Variants in PCDHA4 observed in about 807,000 individuals in gnomAD.
The protein encoded by PCDHA4 is protocadherin alpha 4.
PCDHA4 carries 49 observed loss-of-function variants against 61.4 expected under a neutral mutation model. The observed-to-expected ratio is 0.80, with a 90% CI of 0.63 to 1.01. The LOEUF (loss-of-function observed/expected upper bound fraction) is 1.01, where lower values mean the gene tolerates loss of function less well. Among genes scored for constraint, PCDHA4 ranks in the 50% least tolerant of loss-of-function variants. PCDHA4 has a pLI of 0.00. For missense variants in PCDHA4, 1,254 were observed against 1,235.8 expected, an observed-to-expected ratio of 1.01 and a Z score of -0.22; for synonymous variants, 590 against 550.3, an observed-to-expected ratio of 1.07 and a Z score of -1.01.
intron 1 of PCDHA4, chr5:140,858,100 C>A (rs368579908): frequency 1.9e-6 from 3 of 1,597,702 alleles, no homozygotes; most frequent in South Asian, 1.1e-5. Context: ...CTTCAGTGGG[C>A]GTGGCGCCCG....
chr5:140,984,878 C>G (rs2097124872), intron 3 of PCDHA4, among the ~76,000 whole-genome samples: 1 of 151,854 alleles, frequency 6.6e-6, no homozygotes, highest in African/African-American at 2.4e-5. Flanking sequence ...ATTGAGTTAC[C>G]ATGAGAACTA....
chr5:140,898,349 C>A (rs1310511547), intron 1 of PCDHA4, among the ~76,000 whole-genome samples: 1 of 152,168 alleles, frequency 6.6e-6, no homozygotes, highest in African/African-American at 2.4e-5. Flanking sequence ...TTTAATCCAT[C>A]TTGAATTAAT....
In PCDHA4 at chr5:140,986,535, G is replaced by A. The variant is rs552843991; in HGVS notation, c.2533+3972G>A. Among the ~76,000 whole-genome samples, 134 of 152,300 alleles carry A rather than the reference G, an allele frequency of 8.8e-4. 1 individual carries two copies. Among genetic ancestry groups the A allele is most frequent in the Non-Finnish European group, 1.4e-3 (98 of 68,024 alleles). Reference sequence around the variant, plus strand: ...CCCTGCCTGTGAGGGAACTGGCCTGGCTTCAGTGGGCCAGGCTGCTTTGTT... The same window carrying A: ...CCCTGCCTGTGAGGGAACTGGCCTGACTTCAGTGGGCCAGGCTGCTTTGTT... On this transcript the variant is annotated intron_variant, in intron 3 of 3. Transcript: ENST00000530339.
At chr5:140,941,754 T>A (rs2093159057) in intron 1 of PCDHA4, among the ~76,000 whole-genome samples, 1 of 152,256 alleles carries the variant, frequency 6.6e-6, no homozygotes, top group African/African-American at 2.4e-5. Context: ...AGATTTTCAG[T>A]GCTTTTAAGA....
chr5:140,848,620 G>A lies in PCDHA4; in HGVS notation c.2385+39048G>A, dbSNP rs149227021. 3.5e-4 allele frequency: 562 copies of A among 1,593,402 alleles called. 59 individuals are homozygous for A. Among genetic ancestry groups the A allele is most frequent in the Non-Finnish European group, 4.4e-4 (511 of 1,163,966 alleles). On this transcript the variant is annotated intron_variant, in intron 1 of 3. Coordinates refer to ENST00000530339, the MANE Select transcript of PCDHA4 (RefSeq NM_018907.4). Reference sequence around the variant, plus strand: ...TCCGTCCCGGAGGAAGCCGAACACGGCACCTTCGTGGGCCGCATCGCGCAG... The same window carrying A: ...TCCGTCCCGGAGGAAGCCGAACACGACACCTTCGTGGGCCGCATCGCGCAG...
chr5:140,852,577 T>G, intron 1 of PCDHA4: 3 of 825,200 alleles, frequency 3.6e-6, no homozygotes, highest in Non-Finnish European at 3.0e-6. Flanking sequence ...TGCCAAGGCT[T>G]TTTTATTTTT....
At chr5:140,831,431 C>A (rs1771526531) in intron 1 of PCDHA4, among the ~76,000 whole-genome samples, 1 of 151,698 alleles carries the variant, frequency 6.6e-6, no homozygotes, top group African/African-American at 2.4e-5. Flanking sequence ...GCAATAATGG[C>A]TCACTGCACC....
At chr5:140,975,675 T>C (rs1047804393) in intron 1 of PCDHA4, among the ~76,000 whole-genome samples, 3 of 152,240 alleles carry the variant, frequency 2.0e-5, no homozygotes, top group Non-Finnish European at 2.9e-5. Context: ...AGTTTATTAA[T>C]AAAATAGGGT....
chr5:140,988,381 T>C (rs1554250091), intron 3 of PCDHA4, among the ~76,000 whole-genome samples: 3 of 152,158 alleles, frequency 2.0e-5, no homozygotes, highest in Admixed American at 6.5e-5. Flanking sequence ...GTGAAACTCA[T>C]TGTGTTTGCC....
chr5:140,836,089 G>A, intron 1 of PCDHA4: 1 of 1,613,682 alleles, frequency 6.2e-7, no homozygotes, highest in Non-Finnish European at 8.5e-7. Flanking sequence ...CTGGCGCCTC[G>A]GGTGGGTGGC....
intron 1 of PCDHA4, among the ~76,000 whole-genome samples, chr5:140,900,040 G>A (rs1407235485): frequency 4.6e-5 from 7 of 152,046 alleles, no homozygotes; most frequent in Non-Finnish European, 8.8e-5. Flanking sequence ...GAATTCCTGG[G>A]CTCAAGTGAT....
intron 1 of PCDHA4, among the ~76,000 whole-genome samples, chr5:140,908,825 G>A (rs1554193511): frequency 1.3e-5 from 2 of 152,252 alleles, no homozygotes; most frequent in South Asian, 2.1e-4. Flanking sequence ...TGGGTTACTC[G>A]ATAAATGGGC....
intron 1 of PCDHA4, chr5:140,929,210 G>C (rs782078369): frequency 1.9e-6 from 3 of 1,614,070 alleles, no homozygotes; most frequent in Non-Finnish European, 2.5e-6. Context: ...CTGTTGCGTG[G>C]GGAGTACAAT....
rs17119334 is a variant in PCDHA4, at chr5:140,988,093, G to A, written c.2533+5530G>A. On this transcript the variant is annotated intron_variant, in intron 3 of 3. Coordinates refer to ENST00000530339, the MANE Select transcript of PCDHA4 (RefSeq NM_018907.4). ...CTATTTCATGAGTGAGTGCAGCCTCGGGCCTTGTTGGAGAATTTAGAAAGC... is the reference window on the plus strand; with the variant it reads ...CTATTTCATGAGTGAGTGCAGCCTCAGGCCTTGTTGGAGAATTTAGAAAGC... Among the ~76,000 whole-genome samples the A allele has an allele frequency of 6.9e-3, 1,055 of 152,154 alleles. 47 individuals are homozygous for A. The East Asian group carries it at 0.14, about 21-fold the overall frequency.
intron 1 of PCDHA4, among the ~76,000 whole-genome samples, chr5:140,826,390 C>A (rs191018508): frequency 6.6e-6 from 1 of 152,208 alleles, no homozygotes; most frequent in Admixed American, 6.5e-5. Flanking sequence ...ATAAGAACTA[C>A]TAAATAGATC....
intron 1 of PCDHA4, chr5:140,823,612 G>A (rs2150127408): frequency 1.3e-5 from 21 of 1,614,042 alleles, no homozygotes; most frequent in Middle Eastern, 1.7e-4. Context: ...GCTGCAGCCA[G>A]CGCCTGGCAG....
At chr5:140,829,130 G>C (rs2150162751) in intron 1 of PCDHA4, 2 of 1,612,558 alleles carry the variant, frequency 1.2e-6, no homozygotes, top group Admixed American at 3.3e-5. Flanking sequence ...AAATGATAAC[G>C]TCCCTGAGAT....
chr5:140,852,300 C>A (rs1056866634), intron 1 of PCDHA4: 2 of 445,888 alleles, frequency 4.5e-6, no homozygotes, highest in East Asian at 1.5e-4. Flanking sequence ...TTTTCTGAGA[C>A]GGAGTCGTTT....
intron 1 of PCDHA4, chr5:140,815,326 T>C (rs1455934614): frequency 1.3e-5 from 2 of 152,130 alleles, no homozygotes; most frequent in Non-Finnish European, 2.9e-5. Context: ...TATGTTTTTG[T>C]TCCTTTCCTG....
Sources: gnomAD v4.1 joint callset for allele counts (sites outside exome capture counted in the v4.1 genomes callset) on GRCh38, gnomAD v4.1.1 for gene constraint, MANE v1.5 for transcripts, NCBI Gene and HGNC (gene_info 2026-07-23, HGNC 2026-07-21) for gene names.